Variants in DKK2 observed in about 807,000 individuals in gnomAD.
The protein encoded by DKK2 is dickkopf Wnt signaling pathway inhibitor 2.
Under a neutral mutation model 28.1 loss-of-function variants are expected in DKK2, and 11 were observed. The ratio of observed to expected loss-of-function variants is 0.39; its 90% CI spans 0.25 to 0.65. DKK2 has a LOEUF of 0.65. Ranked by LOEUF, DKK2 falls within the 30% of genes least tolerant of loss-of-function variation. DKK2 has a pLI of 0.47. For missense variants in DKK2, 326 were observed against 335.5 expected (o/e 0.97, Z 0.22); for synonymous variants, 135 against 126.5 (o/e 1.07, Z -0.45).
chr4:106,939,823 A>T (rs1724665377), intron 1 of DKK2, among the ~76,000 whole-genome samples: 1 of 152,216 alleles, frequency 6.6e-6, no homozygotes, highest in Non-Finnish European at 1.5e-5. Flanking sequence ...CAACTATCTG[A>T]TCTTTGACAA....
intron 1 of DKK2, among the ~76,000 whole-genome samples, chr4:106,949,762 T>C (rs186366615): frequency 7.0e-4 from 107 of 152,312 alleles, no homozygotes; most frequent in Admixed American, 5.5e-3. Context: ...TAGCCCTGGA[T>C]CTATTCTATT....
intron 1 of DKK2, among the ~76,000 whole-genome samples, chr4:106,972,062 A>G (rs34246503): frequency 0.2 from 29,977 of 152,104 alleles, 3,301 homozygotes; most frequent in East Asian, 0.42. Context: ...GCCTCAGGCC[A>G]GTAATGCTGT....
intron 1 of DKK2, among the ~76,000 whole-genome samples, chr4:106,990,323 G>T (rs1166690558): frequency 6.6e-6 from 1 of 152,214 alleles, no homozygotes; most frequent in African/African-American, 2.4e-5. Flanking sequence ...AAGACGTAGT[G>T]TAGTAGTCTG....
At chr4:106,969,625 A>G (rs1487903955) in intron 1 of DKK2, among the ~76,000 whole-genome samples, 7 of 151,954 alleles carry the variant, frequency 4.6e-5, no homozygotes, top group Admixed American at 4.6e-4. Flanking sequence ...CCTGGCCTGT[A>G]AACTTTGAAA....
intron 1 of DKK2, among the ~76,000 whole-genome samples, chr4:106,945,102 C>G (rs923891661): frequency 1.3e-5 from 2 of 152,062 alleles, no homozygotes; most frequent in African/African-American, 2.4e-5. Context: ...ACAGCACTGT[C>G]TGATACACAC....
Position 106,935,977 on chromosome 4 carries a change from A to G in DKK2, c.223-10028T>C, listed in dbSNP as rs562602152. Among the ~76,000 whole-genome samples, 1,410 of 152,120 alleles carry G rather than the reference A, an allele frequency of 9.3e-3. 15 individuals are homozygous for G. Among genetic ancestry groups the G allele is most frequent in the African/African-American group, 0.032 (1,345 of 41,542 alleles). ...AAAAACCCATCTGTACATCACCATC[A>G]TCAAAGACCAAAAGTAGATAAAACC... On this transcript the variant is annotated intron_variant, in intron 1 of 3. Transcript: ENST00000285311.
At chr4:106,978,632 C>T (rs986709288) in intron 1 of DKK2, among the ~76,000 whole-genome samples, 1 of 152,090 alleles carries the variant, frequency 6.6e-6, no homozygotes, top group African/African-American at 2.4e-5. Context: ...AGACTTCTGT[C>T]CTGGCAGCGA....
intron 1 of DKK2, among the ~76,000 whole-genome samples, chr4:106,982,934 A>G (rs527757543): frequency 4.2e-4 from 63 of 151,330 alleles, no homozygotes; most frequent in African/African-American, 1.5e-3. Context: ...AGGGAAAGAA[A>G]GAAGGAAAGA....
intron 1 of DKK2, among the ~76,000 whole-genome samples, chr4:107,027,600 T>C (rs1309237033): frequency 6.6e-6 from 1 of 152,142 alleles, no homozygotes; most frequent in South Asian, 2.1e-4. Context: ...ATACACTATG[T>C]AGAAAGTGTC....
chr4:106,981,918 TA>T (rs532339166), intron 1 of DKK2, among the ~76,000 whole-genome samples: 3 of 152,160 alleles, frequency 2.0e-5, no homozygotes, highest in Non-Finnish European at 4.4e-5. Context: ...AAATATGCAA[TA>T]TTTTTTCCTT....
intron 1 of DKK2, among the ~76,000 whole-genome samples, chr4:106,936,213 T>G (rs945770328): frequency 1.9e-4 from 29 of 152,044 alleles, no homozygotes; most frequent in African/African-American, 6.3e-4. Flanking sequence ...AGTTGAAAAC[T>G]TTGAAAAAAA....
At chr4:107,028,344 A>G (rs1008760440) in intron 1 of DKK2, among the ~76,000 whole-genome samples, 1 of 142,420 alleles carries the variant, frequency 7.0e-6, no homozygotes, top group Non-Finnish European at 1.5e-5. Context: ...GGGGAGATTA[A>G]GAGGCCACTT....
At chr4:106,996,948 T>C (rs1379588989) in intron 1 of DKK2, among the ~76,000 whole-genome samples, 1 of 152,120 alleles carries the variant, frequency 6.6e-6, no homozygotes, top group African/African-American at 2.4e-5. Context: ...CCTGCTCATG[T>C]AACCCCCGAA....
rs745679973 is a variant in DKK2 at position 107,035,453 on chromosome 4, G to C, written c.139C>G (p.Pro47Ala). 4 of 1,614,200 alleles carry C rather than the reference G, an allele frequency of 2.5e-6. No homozygotes were observed. In the South Asian group the frequency reaches 4.4e-5, roughly 18 times the overall value. Residue 47 changes from proline (P) to alanine (A), a missense_variant, in exon 1 of 4, where the codon CCT becomes GCT. By Grantham distance (27) the Pro-to-Ala change is conservative. Transcript: ENST00000285311. ...SIKSSLGGETPGQAANRSAGM... is the reference protein window; with the variant it reads ...SIKSSLGGETAGQAANRSAGM... ...GCAGATCGATTGGCGGCCTGACCAG[G>C]CGTCTCCCCGCCCAGAGAGGACTTG...
intron 1 of DKK2, among the ~76,000 whole-genome samples, chr4:107,034,218 G>A (rs1444055594): frequency 1.1e-4 from 16 of 152,274 alleles, no homozygotes; most frequent in East Asian, 1.9e-4. Flanking sequence ...GTGGACAGGG[G>A]CGGCGGAGGA....
At position 106,933,960 on chromosome 4, in the gene DKK2, ATGTGTGTGTGTG is replaced by A. The variant is rs138368758; in HGVS notation, c.223-8023_223-8012del. Among the ~76,000 whole-genome samples, 357 of 146,668 alleles carry A rather than the reference ATGTGTGTGTGTG, an allele frequency of 2.4e-3. 2 individuals are homozygous for A. The highest frequency in any genetic ancestry group is 8.6e-3 in the African/African-American group (345 of 40,138). On this transcript the variant is annotated intron_variant, in intron 1 of 3. Transcript: ENST00000285311. ...AAATGAGGACGTAAGTTTCCTGTAA[ATGTGTGTGTGTG>A]TGTGTGTGTGTGTGTATGTGTATAT...
At chr4:107,002,500 C>T (rs760825449) in intron 1 of DKK2, among the ~76,000 whole-genome samples, 12 of 151,846 alleles carry the variant, frequency 7.9e-5, no homozygotes, top group South Asian at 2.1e-4. Context: ...TTCTTCAAAA[C>T]GTGAATGGAA....
At chr4:106,993,818 G>C (rs62314194) in intron 1 of DKK2, among the ~76,000 whole-genome samples, 1 of 152,158 alleles carries the variant, frequency 6.6e-6, no homozygotes, top group South Asian at 2.1e-4. Flanking sequence ...CGGAAGCTGC[G>C]GGGAAAATAA....
intron 1 of DKK2, among the ~76,000 whole-genome samples, chr4:106,991,689 G>A (rs948140027): frequency 6.6e-6 from 1 of 151,974 alleles, no homozygotes; most frequent in Non-Finnish European, 1.5e-5. Flanking sequence ...TTTTTGCCCA[G>A]CCCCAACACA....
Sources: gnomAD v4.1 joint callset for allele counts (sites outside exome capture counted in the v4.1 genomes callset) on GRCh38, gnomAD v4.1.1 for gene constraint, MANE v1.5 for transcripts, NCBI Gene and HGNC (gene_info 2026-07-23, HGNC 2026-07-21) for gene names.